RASEF: variants seen among roughly 807,000 people sequenced by gnomAD.
The protein encoded by RASEF is RAS and EF-hand domain containing.
A neutral mutation model predicts 90.1 loss-of-function variants in RASEF; 68 were observed. The observed-to-expected ratio is 0.75, with a 90% CI of 0.62 to 0.92. RASEF has a LOEUF of 0.92. Among genes scored for constraint, RASEF ranks in the 40% least tolerant of loss-of-function variants. RASEF has a pLI of 0.00. For synonymous variants in RASEF, 331 were observed against 345.2 expected (o/e 0.96, Z 0.46); for missense variants, 949 against 937.2 (o/e 1.01, Z -0.16).
At position 83,058,171 on chromosome 9, in the gene RASEF, T is replaced by C. The variant is rs1830135502; in HGVS notation, c.431+4266A>G. Among the ~76,000 whole-genome samples, 14 of 126,264 alleles carry C rather than the reference T, an allele frequency of 1.1e-4. No individual in the cohort carries two copies. In the South Asian group the frequency reaches 4.0e-3, roughly 36 times the overall value. 82.8% of individuals were successfully genotyped at this position (126,264 alleles called of 152,430 possible). A position where few individuals can be genotyped will look rare whatever the true frequency, so the allele number is the denominator to read the frequency against. Reference sequence around the variant, plus strand: ...CCGGCTCACTCCTGATGTATTTATGTCTTTTTTTTTTTTTTTTTTTTTTTT... The same window carrying C: ...CCGGCTCACTCCTGATGTATTTATGCCTTTTTTTTTTTTTTTTTTTTTTTT... On this transcript the variant is annotated intron_variant, in intron 1 of 16. Coordinates refer to ENST00000376447, the MANE Select transcript of RASEF (RefSeq NM_152573.4).
At chr9:83,117,183 G>C in the RASEF span, among the ~76,000 whole-genome samples, 24 of 152,038 alleles carry the variant, frequency 1.6e-4, no homozygotes, top group Admixed American at 1.6e-3. Flanking sequence ...TATTCAATTA[G>C]ATTTTCCCAG....
the RASEF span, among the ~76,000 whole-genome samples, chr9:83,126,916 C>A: frequency 6.6e-6 from 1 of 152,172 alleles, no homozygotes. Flanking sequence ...GGATTCCCAG[C>A]GCTGCTTGTT....
At chr9:83,133,989 C>T in the RASEF span, among the ~76,000 whole-genome samples, 3 of 152,090 alleles carry the variant, frequency 2.0e-5, no homozygotes, top group Non-Finnish European at 4.4e-5. Context: ...ATCTACTTAT[C>T]GAAGCAAATC....
At chr9:83,208,707 A>T in the RASEF span, among the ~76,000 whole-genome samples, 1 of 152,146 alleles carries the variant, frequency 6.6e-6, no homozygotes, top group South Asian at 2.1e-4. Flanking sequence ...TAGCCAGGAA[A>T]ATTCTCCAGG....
intron 7 of RASEF, 50 bp downstream of exon 7, chr9:83,007,387 A>G (rs1411926377): frequency 1.4e-6 from 2 of 1,431,662 alleles, no homozygotes; most frequent in Non-Finnish European, 2.0e-6. Flanking sequence ...TTTATTAACT[A>G]AAAAACAAGT....
chr9:83,033,818 A>T (rs1285749256), intron 1 of RASEF, among the ~76,000 whole-genome samples: 1 of 152,212 alleles, frequency 6.6e-6, no homozygotes, highest in Non-Finnish European at 1.5e-5. Flanking sequence ...GACAACTAAA[A>T]TCTGGTAGTA....
chr9:83,025,194 T>G (rs976156706), intron 2 of RASEF, among the ~76,000 whole-genome samples: 2 of 152,156 alleles, frequency 1.3e-5, no homozygotes, highest in Non-Finnish European at 2.9e-5. Flanking sequence ...AGTTTAATAG[T>G]TCTTTGGCTT....
At chr9:83,203,602 G>A in the RASEF span, among the ~76,000 whole-genome samples, 2 of 152,230 alleles carry the variant, frequency 1.3e-5, no homozygotes, top group Non-Finnish European at 2.9e-5. Flanking sequence ...AGGTAAGTTC[G>A]TTGAAAGTGA....
At chr9:83,075,734 G>A in the RASEF span, among the ~76,000 whole-genome samples, 4 of 151,998 alleles carry the variant, frequency 2.6e-5, no homozygotes, top group Admixed American at 6.6e-5. Context: ...CATTTTCTGT[G>A]TGACATGAAA....
intron 1 of RASEF, among the ~76,000 whole-genome samples, chr9:83,059,178 G>A (rs979793932): frequency 5.3e-5 from 8 of 151,842 alleles, no homozygotes; most frequent in African/African-American, 1.2e-4. Context: ...CTGCAAATGG[G>A]AGTTGAGAAA....
chr9:83,124,327 C>T, the RASEF span, among the ~76,000 whole-genome samples: 1 of 152,168 alleles, frequency 6.6e-6, no homozygotes, highest in African/African-American at 2.4e-5. Context: ...AGTAGAAATG[C>T]TGGATCATAT....
At chr9:83,148,881 T>TCC in the RASEF span, among the ~76,000 whole-genome samples, 1 of 152,168 alleles carries the variant, frequency 6.6e-6, no homozygotes, top group African/African-American at 2.4e-5. Flanking sequence ...CTGGCAGGGA[T>TCC]CTACCATTCT....
At chr9:82,988,891 A>G (rs1828761889) in intron 16 of RASEF, among the ~76,000 whole-genome samples, 1 of 152,214 alleles carries the variant, frequency 6.6e-6, no homozygotes, top group South Asian at 2.1e-4. Flanking sequence ...ATGCAAAAGG[A>G]AAAAATGTGC....
At chr9:83,042,731 A>C (rs1044068606) in intron 1 of RASEF, among the ~76,000 whole-genome samples, 1 of 151,746 alleles carries the variant, frequency 6.6e-6, no homozygotes, top group Non-Finnish European at 1.5e-5. Flanking sequence ...GGAGGTTGGA[A>C]AGTCAGAAAA....
In RASEF at chr9:83,025,871, C is replaced by T. The variant is rs1333077485; in HGVS notation, c.482G>A (p.Arg161Lys). ...AACATGTTCATATGGCTGAATTAAT[C>T]TTGGCTCCACAAGGTTGATGTTTTG... ...LYQNINLVEP[R>K]LIQPYEHVIK... is the part of the protein sequence containing the mutation. Residue 161 changes from arginine to lysine, a missense_variant, in exon 2 of 17, where the codon AGA (arginine) becomes AAA (lysine). Transcript: ENST00000376447. 1 of 1,613,854 alleles carries T rather than the reference C, an allele frequency of 6.2e-7. No homozygotes were observed. The highest frequency in any genetic ancestry group is 1.3e-5 in the African/African-American group (1 of 75,036).
chr9:83,006,549 G>T (rs752231599), intron 7 of RASEF, among the ~76,000 whole-genome samples: 8 of 152,134 alleles, frequency 5.3e-5, no homozygotes, highest in Non-Finnish European at 1.2e-4. Context: ...TCATTGAGGG[G>T]AACTGAAACC....
At chr9:83,043,519 C>T (rs1829877246) in intron 1 of RASEF, among the ~76,000 whole-genome samples, 1 of 152,096 alleles carries the variant, frequency 6.6e-6, no homozygotes, top group Non-Finnish European at 1.5e-5. Flanking sequence ...GTTCTGTGTG[C>T]TTTTTTTGCA....
chr9:83,208,243 GC>G, the RASEF span, among the ~76,000 whole-genome samples: 1 of 152,222 alleles, frequency 6.6e-6, no homozygotes, highest in Admixed American at 6.5e-5. Context: ...TCTCCCAGGG[GC>G]GTGTCTCCAG....
In RASEF at chr9:82,980,565, A is replaced by G; in HGVS notation, c.*2112T>C. The G allele has an allele frequency of 2.0e-5, 3 of 152,354 alleles. No individual in the cohort carries two copies. Among genetic ancestry groups the G allele is most frequent in the Middle Eastern group, 6.8e-3 (2 of 294 alleles). 9.4% of individuals were successfully genotyped at this position (152,354 alleles called of 1,614,324 possible). A position where few individuals can be genotyped will look rare whatever the true frequency, so the allele number is the denominator to read the frequency against. ...ATGGTATACTCTTTCACAGATTGTAAAACAAATATAAAGAGACACTTTGGA... is the reference window on the plus strand; with the variant it reads ...ATGGTATACTCTTTCACAGATTGTAGAACAAATATAAAGAGACACTTTGGA... On this transcript the variant is annotated 3_prime_UTR_variant, in exon 17 of 17. Transcript: ENST00000376447.
Sources: allele counts gnomAD v4.1 joint callset (sites outside exome capture counted in the v4.1 genomes callset), GRCh38; gene constraint gnomAD v4.1.1; transcripts MANE v1.5; gene names NCBI Gene and HGNC (gene_info 2026-07-23, HGNC 2026-07-21).